Variants in CAMTA1 observed in about 807,000 individuals in gnomAD.
The protein encoded by CAMTA1 is calmodulin-binding transcription activator 1.
Under a neutral mutation model 170.9 loss-of-function variants are expected in CAMTA1, and 27 were observed. That is an observed-to-expected ratio of 0.16 (90% CI 0.12 to 0.22). The LOEUF (loss-of-function observed/expected upper bound fraction) is 0.22. Ranked by LOEUF, CAMTA1 falls within the 10% of genes least tolerant of loss-of-function variation. The pLI is 1.00. For synonymous variants in CAMTA1, 833 were observed against 891.5 expected, an observed-to-expected ratio of 0.93 and a Z score of 1.17; for missense variants, 1,619 against 2,217.2, an observed-to-expected ratio of 0.73 and a Z score of 5.42.
At chr1:7,327,135 G>T (rs1164171807) in intron 5 of CAMTA1, among the ~76,000 whole-genome samples, 2 of 152,046 alleles carry the variant, frequency 1.3e-5, no homozygotes, top group Non-Finnish European at 2.9e-5. Flanking sequence ...ACCAGGAGGA[G>T]GCCGGGCGCA....
chr1:7,415,217 G>GA (rs1165816217), intron 5 of CAMTA1, among the ~76,000 whole-genome samples: 3 of 151,824 alleles, frequency 2.0e-5, no homozygotes, highest in Non-Finnish European at 2.9e-5. Context: ...GTGTGGTGCT[G>GA]AAAAAAATGT....
chr1:7,676,870 T>C (rs1373095835), intron 10 of CAMTA1, among the ~76,000 whole-genome samples: 1 of 152,184 alleles, frequency 6.6e-6, no homozygotes, highest in Non-Finnish European at 1.5e-5. Flanking sequence ...GCTGGCTTCG[T>C]CTTACTCACA....
chr1:7,686,411 G>A (rs1346537086), intron 11 of CAMTA1, among the ~76,000 whole-genome samples: 1 of 151,538 alleles, frequency 6.6e-6, no homozygotes, highest in African/African-American at 2.4e-5. Flanking sequence ...ACCGTGGGGG[G>A]AATATTCCAG....
chr1:7,627,456 T>G (rs1025006008), intron 6 of CAMTA1, among the ~76,000 whole-genome samples: 2 of 152,220 alleles, frequency 1.3e-5, no homozygotes, highest in Non-Finnish European at 2.9e-5. Context: ...GAATAATACC[T>G]GGCCCTTCTG....
chr1:7,721,345 C>T (rs1289042600), intron 11 of CAMTA1, among the ~76,000 whole-genome samples: 2 of 152,182 alleles, frequency 1.3e-5, no homozygotes, highest in Non-Finnish European at 2.9e-5. Context: ...CATCAGCTTC[C>T]TCATCCGAAA....
intron 3 of CAMTA1, among the ~76,000 whole-genome samples, chr1:6,838,626 G>A (rs1028485938): frequency 3.9e-5 from 6 of 151,928 alleles, no homozygotes; most frequent in African/African-American, 7.3e-5. Context: ...TCTCTGTGCC[G>A]GTGTGGGCAT....
chr1:7,139,858 G>A (rs977399140), intron 4 of CAMTA1, among the ~76,000 whole-genome samples: 2 of 152,168 alleles, frequency 1.3e-5, no homozygotes, highest in Admixed American at 6.5e-5. Flanking sequence ...CTGGCCGGGC[G>A]TGAGCCTTTT....
chr1:7,386,206 TG>T (rs748142240), intron 5 of CAMTA1, among the ~76,000 whole-genome samples: 65 of 152,350 alleles, frequency 4.3e-4, no homozygotes, highest in Non-Finnish European at 7.1e-4. Flanking sequence ...TGTACTGAAC[TG>T]GCCACATTTG....
chr1:7,322,704 T>C (rs1452450248), intron 5 of CAMTA1, among the ~76,000 whole-genome samples: 1 of 152,274 alleles, frequency 6.6e-6, no homozygotes, highest in Non-Finnish European at 1.5e-5. Context: ...GTTTATAACA[T>C]TGCCTTATCT....
chr1:7,199,530 C>A (rs938702022), intron 4 of CAMTA1, among the ~76,000 whole-genome samples: 2 of 152,196 alleles, frequency 1.3e-5, no homozygotes, highest in African/African-American at 2.4e-5. Context: ...AACCCCCTTC[C>A]CCTGTCCTTC....
At chr1:7,512,018 G>T (rs527692983) in intron 6 of CAMTA1, among the ~76,000 whole-genome samples, 1 of 152,206 alleles carries the variant, frequency 6.6e-6, no homozygotes, top group Non-Finnish European at 1.5e-5. Context: ...CTGGCTCTGC[G>T]CTCAGCTGCC....
intron 5 of CAMTA1, among the ~76,000 whole-genome samples, chr1:7,403,709 A>G (rs575237345): frequency 6.6e-6 from 1 of 152,338 alleles, no homozygotes; most frequent in East Asian, 1.9e-4. Context: ...CTGCAGGGTC[A>G]GCACTGCACC....
At chr1:7,139,965 C>T (rs1480743568) in intron 4 of CAMTA1, among the ~76,000 whole-genome samples, 1 of 152,150 alleles carries the variant, frequency 6.6e-6, no homozygotes, top group African/African-American at 2.4e-5. Context: ...GATTAGTTAC[C>T]ATTTATTGAG....
intron 6 of CAMTA1, among the ~76,000 whole-genome samples, chr1:7,558,058 G>A (rs557128919): frequency 0.025 from 3,818 of 152,244 alleles, 65 homozygotes; most frequent in Non-Finnish European, 0.035. Flanking sequence ...GTGATAACCA[G>A]GCCTCCTCCT....
intron 7 of CAMTA1, among the ~76,000 whole-genome samples, chr1:7,654,630 C>A (rs2095868537): frequency 7.2e-6 from 1 of 138,340 alleles, no homozygotes; most frequent in Admixed American, 7.7e-5. Flanking sequence ...ACACACCCAT[C>A]TATACACACA....
At chr1:7,129,361 A>G (rs1339486033) in intron 4 of CAMTA1, among the ~76,000 whole-genome samples, 1 of 152,082 alleles carries the variant, frequency 6.6e-6, no homozygotes, top group Non-Finnish European at 1.5e-5. Flanking sequence ...GTTACCGAGA[A>G]CACTCAAGCC....
At chr1:7,225,111 G>A (rs184559497) in intron 4 of CAMTA1, among the ~76,000 whole-genome samples, 11 of 151,820 alleles carry the variant, frequency 7.2e-5, no homozygotes, top group Admixed American at 3.3e-4. Flanking sequence ...TTGAGATGGA[G>A]TCTTGCTCTT....
intron 1 of CAMTA1, among the ~76,000 whole-genome samples, chr1:6,801,363 C>T (rs1279429076): frequency 6.6e-6 from 1 of 152,094 alleles, no homozygotes; most frequent in Admixed American, 6.6e-5. Flanking sequence ...GCTTCTGTGG[C>T]CATGTCTGGA....
chr1:7,335,139 TGGGGGGGG>T (rs1557537211), intron 5 of CAMTA1, among the ~76,000 whole-genome samples: 32 of 54,790 alleles, frequency 5.8e-4, no homozygotes, highest in Middle Eastern at 7.8e-3. Context: ...TGTGTGTGTG[TGGGGGGGG>T]GGGGGGGGGG....
Sources: allele counts gnomAD v4.1 joint callset (sites outside exome capture counted in the v4.1 genomes callset), GRCh38; gene constraint gnomAD v4.1.1; transcripts MANE v1.5; gene names NCBI Gene and HGNC (gene_info 2026-07-23, HGNC 2026-07-21).